FAM135A: variants seen among roughly 807,000 people sequenced by gnomAD.
FAM135A encodes the protein protein FAM135A.
Under a neutral mutation model 146.8 loss-of-function variants are expected in FAM135A, and 79 were observed. The observed-to-expected ratio is 0.54, with a 90% confidence interval of 0.45 to 0.65. The LOEUF is 0.65. Ranked by LOEUF, FAM135A falls within the 30% of genes least tolerant of loss-of-function variation. The pLI is 0.00. For missense variants in FAM135A, 1,623 were observed against 1,758.2 expected, an observed-to-expected ratio of 0.92 and a Z score of 1.38; for synonymous variants, 562 against 603.6, an observed-to-expected ratio of 0.93 and a Z score of 1.01.
intron 21 of FAM135A, 183 bp downstream of exon 21, chr6:70,557,046 C>T (rs1800981108): frequency 1.7e-6 from 1 of 597,872 alleles, no homozygotes; most frequent in South Asian, 2.1e-5. Context: ...CTGCCTTTAC[C>T]AATGAAGTAA....
At chr6:70,447,983 A>G (rs535990465) in intron 4 of FAM135A, among the ~76,000 whole-genome samples, 3 of 151,844 alleles carry the variant, frequency 2.0e-5, no homozygotes, top group South Asian at 4.2e-4. Flanking sequence ...TCCCGAATTT[A>G]AAAGGAAAAG....
chr6:70,417,313 A>G (rs891842911), intron 2 of FAM135A, among the ~76,000 whole-genome samples: 1 of 150,802 alleles, frequency 6.6e-6, no homozygotes, highest in African/African-American at 2.4e-5. Context: ...TCCCGGATTC[A>G]AGCGATTCAT....
chr6:70,535,571 G>T lies in FAM135A; in HGVS notation c.3966-689G>T, dbSNP rs142592266. Reference sequence around the variant, plus strand: ...TTATGAGAATCTAGTGCCTGAGTTGGAATAGTTTCATCCCAAAAGCATCCC... The same window carrying T: ...TTATGAGAATCTAGTGCCTGAGTTGTAATAGTTTCATCCCAAAAGCATCCC... On this transcript the variant is annotated intron_variant, in intron 18 of 21. Coordinates refer to ENST00000418814, the MANE Select transcript of FAM135A (RefSeq NM_001162529.3). Among the ~76,000 whole-genome samples, 775 of 152,242 alleles carry T rather than the reference G, an allele frequency of 5.1e-3. 5 individuals carry two copies. The highest frequency in any genetic ancestry group is 0.016 in the African/African-American group (675 of 41,546).
At chr6:70,459,970 G>T (rs1268988087) in intron 5 of FAM135A, among the ~76,000 whole-genome samples, 1 of 152,200 alleles carries the variant, frequency 6.6e-6, no homozygotes, top group Non-Finnish European at 1.5e-5. Context: ...GGTGGAGGTT[G>T]CAGTGAGCCA....
At chr6:70,421,285 G>C (rs995534286) in intron 2 of FAM135A, among the ~76,000 whole-genome samples, 20 of 151,890 alleles carry the variant, frequency 1.3e-4, no homozygotes, top group African/African-American at 4.6e-4. Flanking sequence ...ATTTTACACT[G>C]CTTCTGTGTT....
chr6:70,420,322 C>A (rs1768536820), intron 2 of FAM135A, among the ~76,000 whole-genome samples: 1 of 152,162 alleles, frequency 6.6e-6, no homozygotes, highest in South Asian at 2.1e-4. Context: ...TCTTGAGGGA[C>A]CTGTGTCTCT....
intron 11 of FAM135A, among the ~76,000 whole-genome samples, chr6:70,501,993 C>T (rs890418563): frequency 1.3e-5 from 2 of 152,148 alleles, no homozygotes; most frequent in African/African-American, 2.4e-5. Context: ...GTGAACTTCT[C>T]ATATTAATTT....
intron 8 of FAM135A, among the ~76,000 whole-genome samples, chr6:70,480,586 A>G (rs1283768038): frequency 6.6e-6 from 1 of 152,158 alleles, no homozygotes; most frequent in Non-Finnish European, 1.5e-5. Flanking sequence ...CAGGATTTCC[A>G]AATTCAAGCT....
intron 5 of FAM135A, among the ~76,000 whole-genome samples, chr6:70,462,031 G>A (rs1314688018): frequency 2.0e-5 from 3 of 152,110 alleles, no homozygotes; most frequent in Non-Finnish European, 4.4e-5. Context: ...CTGAAATAAG[G>A]TGGACTCTAG....
At chr6:70,427,870 C>T (rs1201221575) in intron 3 of FAM135A, among the ~76,000 whole-genome samples, 1 of 152,010 alleles carries the variant, frequency 6.6e-6, no homozygotes, top group Non-Finnish European at 1.5e-5. Flanking sequence ...AAAGAAAAAC[C>T]TTTCATCAGC....
chr6:70,420,272 C>G (rs1424449944), intron 2 of FAM135A, among the ~76,000 whole-genome samples: 1 of 149,718 alleles, frequency 6.7e-6, no homozygotes. Context: ...TTGATGATTT[C>G]TGTGAGAGAA....
chr6:70,518,888 A>G (rs1322343640), intron 12 of FAM135A, among the ~76,000 whole-genome samples: 4 of 152,194 alleles, frequency 2.6e-5, no homozygotes, highest in Admixed American at 1.3e-4. Flanking sequence ...GAGATTAACG[A>G]TGTTTCCATG....
chr6:70,535,614 G>A (rs532805782), intron 18 of FAM135A, among the ~76,000 whole-genome samples: 12 of 152,318 alleles, frequency 7.9e-5, no homozygotes, highest in Middle Eastern at 3.4e-3. Flanking sequence ...CCTGTTTGTG[G>A]AAAGATTGTC....
chr6:70,448,495 A>G (rs540924724), intron 4 of FAM135A, among the ~76,000 whole-genome samples: 2 of 152,070 alleles, frequency 1.3e-5, no homozygotes, highest in South Asian at 2.1e-4. Flanking sequence ...ACGTTCTCCA[A>G]CCGTCGCTCC....
Position 70,524,611 on chromosome 6 carries a change from A to C in FAM135A, c.1527A>C (p.Leu509Phe). Residue 509 changes from leucine to phenylalanine, a missense_variant, in exon 15 of 22, where the codon TTA becomes TTC. Leu to Phe is a conservative substitution (Grantham distance 22, BLOSUM62 0). This residue lies in a region of FAM135A where 1,061 missense variants were observed against 1,113.8 expected (regional missense o/e 0.95). Transcript: ENST00000418814. ...TGAAATCTGAAAACACAAAAAAATT[A>C]ATAAAACAGAACTCTAAGGATTCTG... ...KTMKSENTKK[L>F]IKQNSKDSVV... The C allele has an allele frequency of 1.3e-6, 2 of 1,544,116 alleles. No homozygotes were observed. Among genetic ancestry groups the C allele is most frequent in the Middle Eastern group, 1.7e-4 (1 of 5,940 alleles).
chr6:70,482,917 A>G (rs1161578269), intron 10 of FAM135A, among the ~76,000 whole-genome samples: 1 of 142,014 alleles, frequency 7.0e-6, no homozygotes, highest in Non-Finnish European at 1.6e-5. Context: ...TTTCTTTAGA[A>G]TATATTGTTT....
At chr6:70,452,627 T>C (rs1449705140) in intron 5 of FAM135A, 56 bp downstream of exon 5, 1 of 1,321,792 alleles carries the variant, frequency 7.6e-7, no homozygotes, top group East Asian at 2.5e-5. Context: ...CAATAACTTT[T>C]AATAAAGTTT....
intron 20 of FAM135A, among the ~76,000 whole-genome samples, chr6:70,551,247 T>A (rs1260745747): frequency 6.6e-6 from 1 of 152,250 alleles, no homozygotes; most frequent in Non-Finnish European, 1.5e-5. Context: ...AGAAGCCTGC[T>A]TTTCAGCGTG....
chr6:70,552,218 G>C (rs549027256), intron 20 of FAM135A, among the ~76,000 whole-genome samples: 1 of 152,196 alleles, frequency 6.6e-6, no homozygotes, highest in East Asian at 1.9e-4. Context: ...AGAAAGAACA[G>C]ACATCAGTGA....
Sources: gnomAD v4.1 joint callset for allele counts (sites outside exome capture counted in the v4.1 genomes callset) on GRCh38, gnomAD v4.1.1 for gene constraint, gnomAD v4.1.1 regional missense constraint, MANE v1.5 for transcripts, NCBI Gene and HGNC (gene_info 2026-07-23, HGNC 2026-07-21) for gene names.